PLEKHA8: variants seen among roughly 807,000 people sequenced by gnomAD.
The protein encoded by PLEKHA8 is pleckstrin homology domain containing A8.
A neutral mutation model predicts 68.2 loss-of-function variants in PLEKHA8; 36 were observed. The observed-to-expected ratio is 0.53, with a 90% confidence interval of 0.40 to 0.70. PLEKHA8 has a LOEUF of 0.70. PLEKHA8 is among the 30% of genes least tolerant of loss of function. The probability of loss-of-function intolerance (pLI) is 0.00; values close to 1 mark genes in which losing one functional copy is unlikely to be tolerated. For missense variants in PLEKHA8, 505 were observed against 615.4 expected, an observed-to-expected ratio of 0.82 and a Z score of 1.90; for synonymous variants, 211 against 216.1, an observed-to-expected ratio of 0.98 and a Z score of 0.20.
chr7:30,081,193 T>G lies in PLEKHA8; in HGVS notation c.*2406T>G. On this transcript the variant is annotated 3_prime_UTR_variant, in exon 14 of 14. Transcript: ENST00000449726. ...GAGAACCCAGATCAGACAGAATAGC[T>G]TGAATAAGTTACATTTTCCAATTAC... The G allele has an allele frequency of 1.0e-6, 1 of 985,404 alleles. No individual in the cohort carries two copies. The highest frequency in any genetic ancestry group is 1.7e-5 in the African/African-American group (1 of 57,358). 61.0% of individuals were successfully genotyped at this position (985,404 alleles called of 1,614,324 possible).
intron 9 of PLEKHA8, among the ~76,000 whole-genome samples, chr7:30,056,278 T>TTCTCTCTC (rs761685260): frequency 0.069 from 3,903 of 56,304 alleles, 182 homozygotes; most frequent in Admixed American, 0.11. Flanking sequence ...TAAAGATATA[T>TTCTCTCTC]TCTCTCTCTC....
At chr7:30,104,480 T>C (rs528840274) in intron 13 of PLEKHA8, among the ~76,000 whole-genome samples, 1 of 152,148 alleles carries the variant, frequency 6.6e-6, no homozygotes, top group Non-Finnish European at 1.5e-5. Flanking sequence ...AACAATGGAA[T>C]ACCACTCAGC....
At chr7:30,028,992 C>G (rs1790439045) in intron 1 of PLEKHA8, among the ~76,000 whole-genome samples, 190 bp downstream of exon 1, 1 of 152,202 alleles carries the variant, frequency 6.6e-6, no homozygotes, top group Admixed American at 6.5e-5. Context: ...ACGGCCCTCT[C>G]TTGGGGTTGG....
Position 30,079,841 on chromosome 7 carries a change from A to G in PLEKHA8, c.*1054A>G. ...CTGCACACAGTATTGAAGAGCAACT[A>G]GATTAAATTCTAGTTTACAAAATTA... On this transcript the variant is annotated 3_prime_UTR_variant, in exon 14 of 14. Transcript: ENST00000449726. The G allele has an allele frequency of 1.1e-6, 1 of 946,814 alleles. No homozygotes were observed. 58.7% of individuals were successfully genotyped at this position (946,814 alleles called of 1,614,324 possible).
chr7:30,118,774 TCA>T (rs1442776711), intron 13 of PLEKHA8, among the ~76,000 whole-genome samples: 3 of 152,198 alleles, frequency 2.0e-5, no homozygotes, highest in Admixed American at 1.3e-4. Flanking sequence ...AGACGGGGTT[TCA>T]CCGTGTTAGC....
Position 30,081,462 on chromosome 7 carries a change from G to C in PLEKHA8, c.*2675G>C, listed in dbSNP as rs190223859. The C allele has an allele frequency of 6.1e-5, 60 of 985,008 alleles. 1 individual carries two copies. In the East Asian group the frequency reaches 6.1e-3, roughly 101 times the overall value. The allele number at this position is 985,008 out of a possible 1,614,324, so 61.0% of individuals were successfully genotyped here. On this transcript the variant is annotated 3_prime_UTR_variant, in exon 14 of 14. Transcript: ENST00000449726. Reference sequence around the variant, plus strand: ...GCTTCCTCCTACATCTAAAGTATTTGCTCTCTGTTTTAGTTAAAGTCATAA... The same window carrying C: ...GCTTCCTCCTACATCTAAAGTATTTCCTCTCTGTTTTAGTTAAAGTCATAA...
chr7:30,092,381 C>G (rs56079969), downstream of PLEKHA8, among the ~76,000 whole-genome samples: 13,014 of 152,058 alleles, frequency 0.086, 742 homozygotes, highest in Admixed American at 0.15. Flanking sequence ...AGATTCACTG[C>G]TGCCCCTAGT....
At chr7:30,096,384 G>T (rs1483959364) in intron 13 of PLEKHA8, among the ~76,000 whole-genome samples, 9 of 152,176 alleles carry the variant, frequency 5.9e-5, no homozygotes, top group Admixed American at 2.6e-4. Context: ...TGTATCCTGA[G>T]ACTTTGCTGA....
At chr7:30,057,023 T>C (rs1254407388) in intron 9 of PLEKHA8, among the ~76,000 whole-genome samples, 2 of 151,302 alleles carry the variant, frequency 1.3e-5, no homozygotes, top group African/African-American at 4.9e-5. Flanking sequence ...GGCTAATGTG[T>C]TGAAATTTGC....
chr7:30,075,027 G>C (rs951883804), intron 13 of PLEKHA8: 11 of 152,182 alleles, frequency 7.2e-5, no homozygotes, highest in African/African-American at 2.7e-4. Flanking sequence ...TCATGCAGTT[G>C]TATGTCAGGA....
intron 13 of PLEKHA8, among the ~76,000 whole-genome samples, chr7:30,128,091 A>ATTTTTTTTTTTTTTTTTTTTTT (rs35173428): frequency 8.1e-6 from 1 of 122,720 alleles, no homozygotes. Context: ...GTTTTACTGT[A>ATTTTTTTTTTTTTTTTTTTTTT]TTTTTTTTTT....
At chr7:30,035,241 T>C (rs563048207) in intron 1 of PLEKHA8, among the ~76,000 whole-genome samples, 21 of 152,322 alleles carry the variant, frequency 1.4e-4, no homozygotes, top group African/African-American at 5.1e-4. Context: ...TTCCTGAGTC[T>C]CAGTTTTAAA....
At chr7:30,124,437 G>A (rs1158932372) in intron 13 of PLEKHA8, among the ~76,000 whole-genome samples, 1 of 152,192 alleles carries the variant, frequency 6.6e-6, no homozygotes, top group Admixed American at 6.5e-5. Flanking sequence ...ATAAAAAAGA[G>A]CAAAATGTAG....
chr7:30,032,422 T>G (rs1790736532), intron 1 of PLEKHA8, among the ~76,000 whole-genome samples: 1 of 152,250 alleles, frequency 6.6e-6, no homozygotes, highest in African/African-American at 2.4e-5. Context: ...CCAAGCACTT[T>G]TCTAAACATT....
chr7:30,056,359 A>G (rs1247869362), intron 9 of PLEKHA8, among the ~76,000 whole-genome samples: 2 of 130,676 alleles, frequency 1.5e-5, no homozygotes, highest in African/African-American at 2.9e-5. Flanking sequence ...TATATATAAC[A>G]CATATATATA....
At position 30,037,153 on chromosome 7, in the gene PLEKHA8, C is replaced by T. The variant is rs942429866; in HGVS notation, c.41-7932C>T. On this transcript the variant is annotated intron_variant, in intron 1 of 13. Coordinates refer to ENST00000449726, the MANE Select transcript of PLEKHA8 (RefSeq NM_001197026.2). Reference sequence around the variant, plus strand: ...CAATTTAAAATGGTAGATTATTTCACTATTAACATATCTATATAGCATACA... The same window carrying T: ...CAATTTAAAATGGTAGATTATTTCATTATTAACATATCTATATAGCATACA... Among the ~76,000 whole-genome samples the T allele has an allele frequency of 3.3e-5, 5 of 152,062 alleles. No individual in the cohort carries two copies. The South Asian group carries it at 8.3e-4, about 25-fold the overall frequency.
intron 13 of PLEKHA8, among the ~76,000 whole-genome samples, chr7:30,121,460 C>T (rs1045651335): frequency 2.6e-5 from 4 of 152,144 alleles, no homozygotes; most frequent in African/African-American, 9.7e-5. Flanking sequence ...GAAACCCCCT[C>T]TCTACTAAAA....
downstream of PLEKHA8, among the ~76,000 whole-genome samples, chr7:30,088,441 C>T (rs1433947130): frequency 1.3e-5 from 2 of 152,214 alleles, no homozygotes; most frequent in East Asian, 3.9e-4. Context: ...TAAAATCAGG[C>T]TTAGGAATGT....
At chr7:30,088,035 T>G (rs1379881163), downstream of PLEKHA8, among the ~76,000 whole-genome samples, 5 of 152,222 alleles carry the variant, frequency 3.3e-5, no homozygotes, top group Non-Finnish European at 5.9e-5. Context: ...ATTCCAAAAC[T>G]GTCCTAGGAG....
Sources: allele counts gnomAD v4.1 joint callset (sites outside exome capture counted in the v4.1 genomes callset), GRCh38; gene constraint gnomAD v4.1.1; transcripts MANE v1.5; gene names NCBI Gene and HGNC (gene_info 2026-07-23, HGNC 2026-07-21).